IL1RAPL2: variants seen among roughly 807,000 people sequenced by gnomAD.
IL1RAPL2 encodes the protein interleukin 1 receptor accessory protein like 2, also known as X-linked interleukin-1 receptor accessory protein-like 2.
A neutral mutation model predicts 44.1 loss-of-function variants in IL1RAPL2; 3 were observed. That is an observed-to-expected ratio of 0.07 (90% CI 0.03 to 0.18). IL1RAPL2 has a LOEUF of 0.18. Among genes scored for constraint, IL1RAPL2 ranks in the 10% least tolerant of loss-of-function variants. The probability of loss-of-function intolerance (pLI) is 1.00; values close to 1 mark genes in which losing one functional copy is unlikely to be tolerated. For missense variants in IL1RAPL2, 391 were observed against 496.4 expected, an observed-to-expected ratio of 0.79 and a Z score of 2.02; for synonymous variants, 181 against 178.8, an observed-to-expected ratio of 1.01 and a Z score of -0.10.
intron 2 of IL1RAPL2, among the ~76,000 whole-genome samples, chrX:105,128,896 G>A (rs1393677645): frequency 9.0e-6 from 1 of 111,381 alleles, no homozygotes; most frequent in African/African-American, 3.3e-5. Flanking sequence ...ATTGGCCATG[G>A]TGGAGTAGAA....
chrX:105,487,719 C>T (rs1226607734), intron 6 of IL1RAPL2, among the ~76,000 whole-genome samples: 1 of 111,961 alleles, frequency 8.9e-6, no homozygotes, highest in Non-Finnish European at 1.9e-5. Context: ...GTAAGTTGCT[C>T]TCATACCTCA....
At chrX:105,064,875 C>T (rs1444059438) in intron 2 of IL1RAPL2, among the ~76,000 whole-genome samples, 3 of 110,773 alleles carry the variant, frequency 2.7e-5, no homozygotes, top group Non-Finnish European at 3.8e-5. Flanking sequence ...CTCAGTGTAA[C>T]TTTTATTGAA....
chrX:104,973,648 T>A (rs1213210340), intron 2 of IL1RAPL2, among the ~76,000 whole-genome samples: 1 of 112,227 alleles, frequency 8.9e-6, no homozygotes, highest in East Asian at 2.8e-4. Context: ...AGGCCATTTT[T>A]AAAGAGTCAA....
chrX:105,281,831 A>C (rs1028446474), intron 5 of IL1RAPL2, among the ~76,000 whole-genome samples: 1 of 111,629 alleles, frequency 9.0e-6, no homozygotes, highest in African/African-American at 3.3e-5. Flanking sequence ...ATTCATGACT[A>C]TATTATAATT....
intron 5 of IL1RAPL2, among the ~76,000 whole-genome samples, chrX:105,303,818 A>G (rs1168550862): frequency 2.7e-5 from 3 of 112,425 alleles, no homozygotes; most frequent in African/African-American, 9.7e-5. Context: ...GGCCCTTCCT[A>G]TAGGTTAGGG....
intron 6 of IL1RAPL2, among the ~76,000 whole-genome samples, chrX:105,614,888 G>A (rs946920288): frequency 1.8e-5 from 2 of 111,327 alleles, no homozygotes; most frequent in Non-Finnish European, 3.8e-5. Context: ...AAAGTGAAGA[G>A]ACAGCACGTA....
At chrX:105,299,364 G>C (rs966626634) in intron 5 of IL1RAPL2, among the ~76,000 whole-genome samples, 7 of 111,067 alleles carry the variant, frequency 6.3e-5, no homozygotes, top group Non-Finnish European at 1.3e-4. Flanking sequence ...CACTGAATGG[G>C]GAAATGGAAA....
chrX:105,219,827 G>A lies in IL1RAPL2; in HGVS notation c.357-13991G>A, dbSNP rs113905565. The A allele has an allele frequency of 0.011, 12,322 of 1,095,236 alleles. 832 individuals are homozygous for A. In the African/African-American group the frequency reaches 0.2, roughly 18 times the overall value. 90.3% of individuals were successfully genotyped at this position (1,095,236 alleles called of 1,213,427 possible). A position where few individuals can be genotyped will look rare whatever the true frequency, so the allele number is the denominator to read the frequency against. ...GCGGGAGCACTAAGCAGGGTAGGACGGAGCTACCAGGTGGGAAGGGCGGGG... is the reference window on the plus strand; with the variant it reads ...GCGGGAGCACTAAGCAGGGTAGGACAGAGCTACCAGGTGGGAAGGGCGGGG... On this transcript the variant is annotated intron_variant, in intron 3 of 10. Transcript: ENST00000372582.
At chrX:105,582,714 GGTATTAAATT>G (rs1408374163) in intron 6 of IL1RAPL2, among the ~76,000 whole-genome samples, 16 of 107,232 alleles carry the variant, frequency 1.5e-4, no homozygotes, top group African/African-American at 5.4e-4. Flanking sequence ...AAATCATTAG[GGTATTAAATT>G]GTATTAAATG....
At chrX:105,473,034 C>G (rs962456045) in intron 5 of IL1RAPL2, among the ~76,000 whole-genome samples, 1 of 111,325 alleles carries the variant, frequency 9.0e-6, no homozygotes, top group Non-Finnish European at 1.9e-5. Context: ...ATTTCCTCAA[C>G]CACAACAACA....
chrX:104,775,404 CTG>C (rs1276918066), intron 2 of IL1RAPL2, among the ~76,000 whole-genome samples: 1 of 111,924 alleles, frequency 8.9e-6, no homozygotes, highest in Non-Finnish European at 1.9e-5. Flanking sequence ...GAAATACAGT[CTG>C]TTATGGTTCG....
At chrX:105,708,303 T>A (rs1161642020) in intron 6 of IL1RAPL2, among the ~76,000 whole-genome samples, 1 of 111,777 alleles carries the variant, frequency 8.9e-6, no homozygotes, top group Non-Finnish European at 1.9e-5. Flanking sequence ...TTTTTGAGGA[T>A]ATTTTAAAAA....
At chrX:104,729,556 T>C (rs1931863216) in intron 2 of IL1RAPL2, among the ~76,000 whole-genome samples, 1 of 106,564 alleles carries the variant, frequency 9.4e-6, no homozygotes, top group Non-Finnish European at 1.9e-5. Flanking sequence ...GTTTGTTATA[T>C]AGGTAAAGTC....
intron 6 of IL1RAPL2, among the ~76,000 whole-genome samples, chrX:105,606,463 T>C (rs1488276534): frequency 9.0e-6 from 1 of 111,322 alleles, no homozygotes. Flanking sequence ...GGAATCTAAT[T>C]AGTAAAGCCA....
chrX:104,805,010 G>T (rs900058703), intron 2 of IL1RAPL2, among the ~76,000 whole-genome samples: 1 of 111,946 alleles, frequency 8.9e-6, no homozygotes, highest in Non-Finnish European at 1.9e-5. Context: ...GAGCTGAGAG[G>T]CATGCTAATA....
At chrX:105,137,911 T>C (rs1402285558) in intron 2 of IL1RAPL2, among the ~76,000 whole-genome samples, 2 of 110,362 alleles carry the variant, frequency 1.8e-5, no homozygotes, top group African/African-American at 6.6e-5. Context: ...ACAAACACAA[T>C]AAAAAATAAA....
At chrX:105,164,912 G>A (rs928377620) in intron 2 of IL1RAPL2, among the ~76,000 whole-genome samples, 5 of 111,848 alleles carry the variant, frequency 4.5e-5, no homozygotes, top group Non-Finnish European at 9.4e-5. Context: ...TATGTGCTTA[G>A]TGTTAGCTAC....
intron 2 of IL1RAPL2, among the ~76,000 whole-genome samples, chrX:104,967,845 T>A (rs1454912424): frequency 9.1e-6 from 1 of 109,982 alleles, no homozygotes; most frequent in African/African-American, 3.3e-5. Context: ...CTAGACAAAC[T>A]ACAGAAGAAA....
At chrX:105,387,977 C>A (rs748926534) in intron 5 of IL1RAPL2, among the ~76,000 whole-genome samples, 1 of 104,781 alleles carries the variant, frequency 9.5e-6, no homozygotes, top group Non-Finnish European at 2.0e-5. Flanking sequence ...GGAGAAACAC[C>A]GTCTCTACTA....
Sources: gnomAD v4.1 joint callset for allele counts (sites outside exome capture counted in the v4.1 genomes callset) on GRCh38, gnomAD v4.1.1 for gene constraint, MANE v1.5 for transcripts, NCBI Gene and HGNC (gene_info 2026-07-23, HGNC 2026-07-21) for gene names.